Variants in PSME3IP1 observed in about 807,000 individuals in gnomAD.
The protein encoded by PSME3IP1 is PSME3-interacting protein.
PSME3IP1 carries 13 observed loss-of-function variants against 34.1 expected under a neutral mutation model. The observed-to-expected ratio is 0.38, with a 90% confidence interval of 0.25 to 0.61. The LOEUF is 0.61. PSME3IP1 is among the 20% of genes least tolerant of loss of function. The probability of loss-of-function intolerance (pLI) is 0.60; values close to 1 mark genes in which losing one functional copy is unlikely to be tolerated. For synonymous variants in PSME3IP1, 93 were observed against 114.3 expected, an observed-to-expected ratio of 0.81 and a Z score of 1.19; for missense variants, 237 against 301.4, an observed-to-expected ratio of 0.79 and a Z score of 1.58.
chr16:57,176,059 C>T (rs1454745689), intron 1 of PSME3IP1, among the ~76,000 whole-genome samples: 1 of 152,234 alleles, frequency 6.6e-6, no homozygotes, highest in African/African-American at 2.4e-5. Context: ...TTTAGCAGCA[C>T]TCAATGACTC....
intron 1 of PSME3IP1, among the ~76,000 whole-genome samples, chr16:57,183,468 G>A (rs2073907098): frequency 6.6e-6 from 1 of 152,030 alleles, no homozygotes; most frequent in African/African-American, 2.4e-5. Flanking sequence ...GAATAGCTGG[G>A]ATTGCAGGTG....
At chr16:57,182,708 G>C (rs528599771) in intron 1 of PSME3IP1, among the ~76,000 whole-genome samples, 1 of 146,548 alleles carries the variant, frequency 6.8e-6, no homozygotes, top group East Asian at 2.0e-4. Context: ...TCAGAAGTTC[G>C]AGACCAGCCT....
intron 4 of PSME3IP1, among the ~76,000 whole-genome samples, chr16:57,167,913 T>C (rs1251398911): frequency 6.6e-6 from 1 of 152,244 alleles, no homozygotes; most frequent in African/African-American, 2.4e-5. Flanking sequence ...AAGCTATTTT[T>C]AAAAGCATGA....
intron 1 of PSME3IP1, among the ~76,000 whole-genome samples, chr16:57,181,031 C>G (rs201825544): frequency 6.8e-5 from 8 of 117,954 alleles, no homozygotes; most frequent in African/African-American, 1.2e-4. Flanking sequence ...AGCACAAGAC[C>G]GACCTTGCCT....
At chr16:57,155,779 C>T (rs1464665159) in intron 6 of PSME3IP1, among the ~76,000 whole-genome samples, 2 of 152,100 alleles carry the variant, frequency 1.3e-5, no homozygotes, top group Admixed American at 6.5e-5. Flanking sequence ...GCACTCCAGC[C>T]TGGGCAACAG....
rs2145320455 is a variant in PSME3IP1, at chr16:57,153,275, G to A, written c.*1015C>T. ...AGTTGCTGTTTGGAAAGGAAAAAGAGCAGCAGAGGCAGCAAAGAAAAGTAC... is the reference window on the plus strand; with the variant it reads ...AGTTGCTGTTTGGAAAGGAAAAAGAACAGCAGAGGCAGCAAAGAAAAGTAC... On this transcript the variant is annotated 3_prime_UTR_variant, in exon 7 of 7. Coordinates refer to ENST00000309137, the MANE Select transcript of PSME3IP1 (RefSeq NM_024946.4). 6.6e-6 allele frequency: 1 copy of A among 152,344 alleles called. No individual in the cohort carries two copies. The highest frequency in any genetic ancestry group is 2.1e-4 in the South Asian group (1 of 4,828). The allele number at this position is 152,344 out of a possible 1,614,324, so 9.4% of individuals were successfully genotyped here.
At chr16:57,167,342 C>T (rs2072011886) in intron 4 of PSME3IP1, 116 bp from the exon 5 acceptor site, 2 of 1,153,630 alleles carry the variant, frequency 1.7e-6, no homozygotes, top group Non-Finnish European at 2.5e-6. Flanking sequence ...AATGCCCCAC[C>T]CTTCTTTATT....
At chr16:57,169,345 A>G (rs1223943841) in intron 4 of PSME3IP1, among the ~76,000 whole-genome samples, 1 of 152,222 alleles carries the variant, frequency 6.6e-6, no homozygotes, top group East Asian at 1.9e-4. Context: ...GTATCCTATT[A>G]TACAACATAT....
In PSME3IP1 at chr16:57,154,343, C is replaced by T. The variant is rs759752010; in HGVS notation, c.712G>A (p.Gly238Arg). The change falls in exon 7 of 7, where the codon GGA becomes AGA. Residue 238 changes from glycine to arginine, a missense_variant. By Grantham distance (125) the Gly-to-Arg change is moderately radical. Coordinates refer to ENST00000309137, the MANE Select transcript of PSME3IP1 (RefSeq NM_024946.4). This position sits in a 1 kb window ranked among gnomAD's most constrained non-coding sequence, Gnocchi z 4.0. Reference protein sequence around the residue: ...SDSEGTINATGKIVSSIFRTN... With the variant: ...SDSEGTINATRKIVSSIFRTN... ...CGGAAGATGGAGGAGACAATCTTTC[C>T]GGTGGCATTGATGGTGCCTTCGCTG... 4 of 1,613,910 alleles carry T rather than the reference C, an allele frequency of 2.5e-6. No individual in the cohort carries two copies. The highest frequency in any genetic ancestry group is 2.2e-5 in the East Asian group (1 of 44,886).
At chr16:57,186,112 C>G (rs1425478811), upstream of PSME3IP1, 8 of 985,404 alleles carry the variant, frequency 8.1e-6, no homozygotes, top group Non-Finnish European at 9.6e-6. Context: ...CGATGGAAAT[C>G]CGGTACCCTG....
At chr16:57,168,803 CAAAAAAAAA>C (rs1189721344) in intron 4 of PSME3IP1, among the ~76,000 whole-genome samples, 1 of 23,900 alleles carries the variant, frequency 4.2e-5, no homozygotes, top group Non-Finnish European at 7.5e-5. Flanking sequence ...AACTCTGTCT[CAAAAAAAAA>C]AAAAAAAAAA....
chr16:57,182,281 A>G (rs369831326), intron 1 of PSME3IP1, among the ~76,000 whole-genome samples: 1 of 151,998 alleles, frequency 6.6e-6, no homozygotes, highest in African/African-American at 2.4e-5. Context: ...TATTCCTACA[A>G]TTAACATGCT....
At chr16:57,177,488 G>A (rs1248562404) in intron 1 of PSME3IP1, among the ~76,000 whole-genome samples, 9 of 151,524 alleles carry the variant, frequency 5.9e-5, no homozygotes, top group East Asian at 3.9e-4. Context: ...CACTGTGCCC[G>A]GCCTACAATC....
chr16:57,174,423 T>G, intron 1 of PSME3IP1: 4 of 984,924 alleles, frequency 4.1e-6, no homozygotes, highest in Non-Finnish European at 4.8e-6. Flanking sequence ...CAAGAGGACC[T>G]GGGATAATTC....
In PSME3IP1 at chr16:57,152,920, A is replaced by G. The variant is rs2070101198; in HGVS notation, c.*1370T>C. On this transcript the variant is annotated 3_prime_UTR_variant, in exon 7 of 7. Coordinates refer to ENST00000309137, the MANE Select transcript of PSME3IP1 (RefSeq NM_024946.4). ...AAAAGGAGTGGGCTGGATGAGATCC[A>G]GGGGCCTCTCTGCCCATGTTCAAAG... 6.6e-6 allele frequency: 1 copy of G among 152,642 alleles called. No individual in the cohort carries two copies. The highest frequency in any genetic ancestry group is 2.4e-5 in the African/African-American group (1 of 41,464). The allele number at this position is 152,642 out of a possible 1,614,324, so 9.5% of individuals were successfully genotyped here.
chr16:57,174,804 A>C (rs1413211646), intron 1 of PSME3IP1: 2 of 514,210 alleles, frequency 3.9e-6, no homozygotes, highest in Non-Finnish European at 5.0e-6. Context: ...CTTCATTTAT[A>C]TCTCTTCTGA....
chr16:57,167,301 C>T lies in PSME3IP1; in HGVS notation c.349-75G>A, dbSNP rs191608283. 408 of 1,520,896 alleles carry T rather than the reference C, an allele frequency of 2.7e-4. 1 individual carries two copies. In the African/African-American group the frequency reaches 4.8e-3, roughly 18 times the overall value. 94.2% of individuals were successfully genotyped at this position (1,520,896 alleles called of 1,614,324 possible). On this transcript the variant is annotated intron_variant, in intron 4 of 6. Transcript: ENST00000309137. ...ATAACCCACTAGCCCTTCGGCTGTG[C>T]GATGTAATGTCTGGCCTACTTATTT...
intron 2 of PSME3IP1, 58 bp from the exon 3 acceptor site, chr16:57,172,932 T>G: frequency 9.2e-7 from 1 of 1,084,452 alleles, no homozygotes. Context: ...CACTTCAGAT[T>G]GTTTTCATAT....
At chr16:57,174,376 G>A in intron 1 of PSME3IP1, 1 of 908,476 alleles carries the variant, frequency 1.1e-6, no homozygotes, top group Non-Finnish European at 1.3e-6. Flanking sequence ...ACATATCAGA[G>A]AATTTTTATT....
Sources: allele counts gnomAD v4.1 joint callset (sites outside exome capture counted in the v4.1 genomes callset), GRCh38; gene constraint gnomAD v4.1.1; non-coding constraint Gnocchi (gnomAD v3.1); transcripts MANE v1.5; gene names NCBI Gene and HGNC (gene_info 2026-07-23, HGNC 2026-07-21).